The following LRP1B variants were observed in gnomAD, a reference collection of about 807,000 sequenced individuals.
The protein encoded by LRP1B is LDL receptor related protein 1B, also known as low-density lipoprotein receptor-related protein 1B.
LRP1B carries 217 observed loss-of-function variants against 556.6 expected under a neutral mutation model. That is an observed-to-expected ratio of 0.39 (90% CI 0.35 to 0.44). LRP1B has a LOEUF of 0.44. Among genes scored for constraint, LRP1B ranks in the 20% least tolerant of loss-of-function variants. The probability of loss-of-function intolerance (pLI) is 1.00; values close to 1 mark genes in which losing one functional copy is unlikely to be tolerated. For missense variants in LRP1B, 5,053 were observed against 5,620.8 expected, an observed-to-expected ratio of 0.90 and a Z score of 3.23; for synonymous variants, 2,047 against 1,865.8, an observed-to-expected ratio of 1.10 and a Z score of -2.50.
intron 84 of LRP1B, among the ~76,000 whole-genome samples, chr2:140,291,117 A>T (rs1490253588): frequency 6.6e-6 from 1 of 151,244 alleles, no homozygotes; most frequent in Non-Finnish European, 1.5e-5. Context: ...ACTGAGTGTG[A>T]TTTATCTTGC....
At chr2:141,518,643 G>A (rs1352490648) in intron 2 of LRP1B, among the ~76,000 whole-genome samples, 3 of 152,158 alleles carry the variant, frequency 2.0e-5, no homozygotes, top group African/African-American at 7.2e-5. Flanking sequence ...CGTGAGTGGT[G>A]ATAGAATAAA....
chr2:140,239,304 A>G, intron 88 of LRP1B, 138 bp downstream of exon 88: 1 of 534,734 alleles, frequency 1.9e-6, no homozygotes, highest in Non-Finnish European at 3.3e-6. Flanking sequence ...AGAGAGGTAT[A>G]AAATGATTTG....
intron 1 of LRP1B, among the ~76,000 whole-genome samples, chr2:142,060,824 ATTAAT>A (rs1328975667): frequency 6.6e-6 from 1 of 152,086 alleles, no homozygotes; most frequent in Non-Finnish European, 1.5e-5. Context: ...TAATAGAGCA[ATTAAT>A]TTGTCAATAA....
chr2:141,783,271 T>G (rs1453617642), intron 2 of LRP1B, among the ~76,000 whole-genome samples: 1 of 152,074 alleles, frequency 6.6e-6, no homozygotes, highest in Non-Finnish European at 1.5e-5. Flanking sequence ...ACTCTGTGAC[T>G]TGAAATATTA....
intron 2 of LRP1B, among the ~76,000 whole-genome samples, chr2:141,525,251 C>A (rs73963380): frequency 0.026 from 3,896 of 152,064 alleles, 157 homozygotes; most frequent in African/African-American, 0.089. Flanking sequence ...AAGGGAAAAC[C>A]TGGAGAGAAG....
In LRP1B at chr2:142,115,809, TC is replaced by T. The variant is rs1421067419; in HGVS notation, c.82+14838del. 0.024 allele frequency among the ~76,000 whole-genome samples: 233 copies of T among 9,890 alleles called. 95 individuals carry two copies. In the South Asian group the frequency reaches 0.32, roughly 14 times the overall value. The allele number at this position is 9,890 out of a possible 152,430, so 6.5% of individuals were successfully genotyped here. On this transcript the variant is annotated intron_variant, in intron 1 of 90. Transcript: ENST00000389484. ...ATATATCATATATATGTAATATATA[TC>T]ATATATATGTAATATATATCATATA...
chr2:140,534,916 G>A (rs1431569197), intron 46 of LRP1B, among the ~76,000 whole-genome samples: 1 of 152,048 alleles, frequency 6.6e-6, no homozygotes, highest in African/African-American at 2.4e-5. Flanking sequence ...GTCACACTAG[G>A]GTTTGCAAAC....
At chr2:140,727,506 G>C (rs1329334423) in intron 35 of LRP1B, among the ~76,000 whole-genome samples, 2 of 152,172 alleles carry the variant, frequency 1.3e-5, no homozygotes, top group Non-Finnish European at 2.9e-5. Flanking sequence ...AAGGTCATCA[G>C]GGATTACTTC....
At chr2:140,787,528 A>G (rs1011052180) in intron 32 of LRP1B, among the ~76,000 whole-genome samples, 2 of 120,154 alleles carry the variant, frequency 1.7e-5, no homozygotes, top group African/African-American at 6.7e-5. Context: ...TTATTTATTT[A>G]CATGCCTATC....
chr2:140,320,710 G>A (rs1020287832), intron 82 of LRP1B, among the ~76,000 whole-genome samples: 1 of 151,926 alleles, frequency 6.6e-6, no homozygotes, highest in Non-Finnish European at 1.5e-5. Context: ...TTACAGGTGT[G>A]AGCCACCACG....
At chr2:142,058,560 T>C (rs1381265330) in intron 1 of LRP1B, among the ~76,000 whole-genome samples, 2 of 152,156 alleles carry the variant, frequency 1.3e-5, no homozygotes, top group African/African-American at 2.4e-5. Flanking sequence ...TTGCAATTTT[T>C]TTAGCTTATC....
intron 1 of LRP1B, among the ~76,000 whole-genome samples, chr2:141,846,144 G>A (rs1003503694): frequency 6.6e-6 from 1 of 151,426 alleles, no homozygotes; most frequent in African/African-American, 2.4e-5. Context: ...GCTTTGCAAA[G>A]ACAGATTTCT....
intron 2 of LRP1B, among the ~76,000 whole-genome samples, chr2:141,613,377 G>A (rs952316625): frequency 1.3e-5 from 2 of 152,072 alleles, no homozygotes; most frequent in Admixed American, 6.6e-5. Context: ...TAAAAAATCC[G>A]TATAAGAAAC....
intron 72 of LRP1B, among the ~76,000 whole-genome samples, chr2:140,364,056 C>T (rs1004924220): frequency 1.3e-4 from 19 of 151,608 alleles, no homozygotes; most frequent in South Asian, 2.1e-4. Flanking sequence ...AAGCATACAC[C>T]GGACAAATGT....
intron 41 of LRP1B, among the ~76,000 whole-genome samples, chr2:140,612,997 T>A (rs1437472751): frequency 6.6e-6 from 1 of 151,598 alleles, no homozygotes; most frequent in East Asian, 1.9e-4. Flanking sequence ...TATCTCTTTT[T>A]TTTTCTTTTC....
intron 3 of LRP1B, among the ~76,000 whole-genome samples, chr2:141,350,683 C>T (rs1201942561): frequency 6.6e-6 from 1 of 152,090 alleles, no homozygotes; most frequent in Non-Finnish European, 1.5e-5. Context: ...GCTTTCATAA[C>T]TTCATCAAAG....
chr2:142,025,638 G>C (rs1383220357), intron 1 of LRP1B, among the ~76,000 whole-genome samples: 2 of 152,096 alleles, frequency 1.3e-5, no homozygotes, highest in African/African-American at 2.4e-5. Context: ...GTCACCCCGG[G>C]TGGGTATGGT....
chr2:141,719,133 A>G (rs1483221480), intron 2 of LRP1B, among the ~76,000 whole-genome samples: 1 of 152,158 alleles, frequency 6.6e-6, no homozygotes, highest in Non-Finnish European at 1.5e-5. Context: ...ATTACCTCAG[A>G]CAGGCATTAC....
At chr2:141,591,815 A>AG (rs1328032321) in intron 2 of LRP1B, among the ~76,000 whole-genome samples, 6 of 152,138 alleles carry the variant, frequency 3.9e-5, no homozygotes, top group African/African-American at 1.4e-4. Context: ...ATTTTTCTAT[A>AG]GGAGCATTTG....
Sources: allele counts gnomAD v4.1 joint callset (sites outside exome capture counted in the v4.1 genomes callset), GRCh38; gene constraint gnomAD v4.1.1; transcripts MANE v1.5; gene names NCBI Gene and HGNC (gene_info 2026-07-23, HGNC 2026-07-21).